KLF8: variants seen among roughly 807,000 people sequenced by gnomAD.
KLF8 encodes the protein KLF transcription factor 8.
A neutral mutation model predicts 18.2 loss-of-function variants in KLF8; 10 were observed. The ratio of observed to expected loss-of-function variants is 0.55; its 90% CI spans 0.34 to 0.93. KLF8 has a LOEUF of 0.93. Ranked by LOEUF, KLF8 falls within the 40% of genes least tolerant of loss-of-function variation. The pLI, the probability that KLF8 is intolerant of heterozygous loss-of-function variation, is 0.02. For missense variants in KLF8, 264 were observed against 277.9 expected, an observed-to-expected ratio of 0.95 and a Z score of 0.36; for synonymous variants, 109 against 97.3, an observed-to-expected ratio of 1.12 and a Z score of -0.71.
At chrX:55,963,573 C>A in the KLF8 span, among the ~76,000 whole-genome samples, 2 of 110,923 alleles carry the variant, frequency 1.8e-5, no homozygotes, top group Middle Eastern at 4.7e-3. Flanking sequence ...AAAAAAAAAT[C>A]ATTTCTAAAT....
chrX:55,940,986 T>A, the KLF8 span, among the ~76,000 whole-genome samples: 1 of 111,472 alleles, frequency 9.0e-6, no homozygotes, highest in Non-Finnish European at 1.9e-5. Context: ...TCCCCATCAA[T>A]CTACCAATGA....
chrX:56,052,253 C>A, the KLF8 span, among the ~76,000 whole-genome samples: 1 of 111,890 alleles, frequency 8.9e-6, no homozygotes, highest in Non-Finnish European at 1.9e-5. Flanking sequence ...TCGTCTGAAG[C>A]CTTCTTCTCT....
chrX:56,282,019 T>C (rs190996345), intron 5 of KLF8, among the ~76,000 whole-genome samples: 1 of 112,683 alleles, frequency 8.9e-6, no homozygotes, highest in East Asian at 2.8e-4. Flanking sequence ...GGTTGAGGTG[T>C]ATATAGGAAT....
the KLF8 span, among the ~76,000 whole-genome samples, chrX:56,051,863 T>C: frequency 9.2e-6 from 1 of 108,390 alleles, no homozygotes; most frequent in African/African-American, 3.6e-5. Context: ...CTGCAGAGTG[T>C]TTTCCAACTT....
the KLF8 span, among the ~76,000 whole-genome samples, chrX:56,159,200 C>T: frequency 2.7e-5 from 3 of 111,975 alleles, no homozygotes; most frequent in South Asian, 3.7e-4. Flanking sequence ...TATTGATTTG[C>T]GTATTTTGAA....
chrX:56,140,530 C>A, the KLF8 span, among the ~76,000 whole-genome samples: 1 of 110,850 alleles, frequency 9.0e-6, no homozygotes, highest in Non-Finnish European at 1.9e-5. Flanking sequence ...AATGCATATT[C>A]TTTTATAAGT....
In KLF8 at chrX:56,233,136, C is replaced by G; in HGVS notation, c.-199C>G. The G allele has an allele frequency of 2.1e-6, 1 of 471,600 alleles. No homozygotes were observed. The highest frequency in any genetic ancestry group is 3.3e-5 in the South Asian group (1 of 30,035). The allele number at this position is 471,600 out of a possible 1,213,427, so 38.9% of individuals were successfully genotyped here. ...GGTCTGAATCGACTCCCTCCCCTTT[C>G]GACCCCCTCCTCATTTTCCAGCCCG... On this transcript the variant is annotated 5_prime_UTR_variant, in exon 1 of 6. Coordinates refer to ENST00000468660, the MANE Select transcript of KLF8 (RefSeq NM_007250.5).
the KLF8 span, among the ~76,000 whole-genome samples, chrX:56,154,936 A>G: frequency 4.5e-5 from 5 of 112,121 alleles, no homozygotes; most frequent in Non-Finnish European, 9.4e-5. Flanking sequence ...AAAAGTGATC[A>G]TTAAAAAGTC....
At chrX:56,010,771 A>G in the KLF8 span, among the ~76,000 whole-genome samples, 2 of 112,261 alleles carry the variant, frequency 1.8e-5, no homozygotes, top group Non-Finnish European at 3.8e-5. Flanking sequence ...AGGAAAATTT[A>G]CCAAGTAAAT....
the KLF8 span, among the ~76,000 whole-genome samples, chrX:56,130,507 T>G: frequency 9.2e-6 from 1 of 108,722 alleles, no homozygotes; most frequent in Admixed American, 9.7e-5. Context: ...AACTGCAGCC[T>G]TCAGCCCGAG....
the KLF8 span, among the ~76,000 whole-genome samples, chrX:55,939,581 C>G: frequency 9.0e-6 from 1 of 111,314 alleles, no homozygotes; most frequent in African/African-American, 3.3e-5. Flanking sequence ...ATCAATGAAT[C>G]CAGGAGGTGG....
the KLF8 span, among the ~76,000 whole-genome samples, chrX:55,947,421 G>A: frequency 1.9e-4 from 20 of 104,676 alleles, no homozygotes; most frequent in Non-Finnish European, 3.3e-4. Context: ...CTCACTCATA[G>A]GTGGGAATTG....
At chrX:55,972,442 T>A in the KLF8 span, among the ~76,000 whole-genome samples, 1 of 108,002 alleles carries the variant, frequency 9.3e-6, no homozygotes, top group Non-Finnish European at 1.9e-5. Context: ...GTACAACAAA[T>A]AGAAAGAATA....
At chrX:56,176,377 G>A in the KLF8 span, among the ~76,000 whole-genome samples, 1 of 111,582 alleles carries the variant, frequency 9.0e-6, no homozygotes. Context: ...AGTTTGGCTG[G>A]ATATGAAATT....
the KLF8 span, among the ~76,000 whole-genome samples, chrX:56,197,134 A>G: frequency 0.02 from 2,261 of 111,782 alleles, 26 homozygotes; most frequent in Non-Finnish European, 0.032. Flanking sequence ...TACCCACAAG[A>G]GAAAGCAGGA....
At chrX:56,193,970 A>T in the KLF8 span, among the ~76,000 whole-genome samples, 2 of 112,082 alleles carry the variant, frequency 1.8e-5, no homozygotes, top group Non-Finnish European at 3.8e-5. Flanking sequence ...GAAGAGTGTA[A>T]CTGGATTGTT....
chrX:56,030,458 G>A, the KLF8 span, among the ~76,000 whole-genome samples: 26 of 111,802 alleles, frequency 2.3e-4, no homozygotes, highest in African/African-American at 7.8e-4. Context: ...TTTGGAGCAA[G>A]TCAATTAGAG....
the KLF8 span, among the ~76,000 whole-genome samples, chrX:56,155,283 G>T: frequency 1.8e-5 from 2 of 111,418 alleles, no homozygotes; most frequent in Admixed American, 9.6e-5. Context: ...CCATAAAAAA[G>T]GATGAGTTCA....
chrX:56,223,031 A>G, the KLF8 span, among the ~76,000 whole-genome samples: 3 of 113,212 alleles, frequency 2.6e-5, no homozygotes, highest in Admixed American at 2.8e-4. Flanking sequence ...GGGCTCCTCA[A>G]GTGCGGCCAG....
Sources: gnomAD v4.1 joint callset for allele counts (sites outside exome capture counted in the v4.1 genomes callset) on GRCh38, gnomAD v4.1.1 for gene constraint, MANE v1.5 for transcripts, NCBI Gene and HGNC (gene_info 2026-07-23, HGNC 2026-07-21) for gene names.